Variants in TAFA1 observed in about 807,000 individuals in gnomAD.
TAFA1 encodes chemokine-like protein TAFA-1.
A neutral mutation model predicts 18.5 loss-of-function variants in TAFA1; 4 were observed. The observed-to-expected ratio is 0.22, with a 90% CI of 0.11 to 0.49. The LOEUF is 0.49. Ranked by LOEUF, TAFA1 falls within the 20% of genes least tolerant of loss-of-function variation. The probability of loss-of-function intolerance (pLI) is 0.98; values close to 1 mark genes in which losing one functional copy is unlikely to be tolerated. For synonymous variants in TAFA1, 56 were observed against 55.2 expected (o/e 1.01, Z -0.06); for missense variants, 147 against 169.0 (o/e 0.87, Z 0.72).
intron 2 of TAFA1, among the ~76,000 whole-genome samples, chr3:68,135,726 C>T (rs888669927): frequency 2.6e-5 from 4 of 152,240 alleles, no homozygotes; most frequent in African/African-American, 7.2e-5. Flanking sequence ...TTTGGCTTTC[C>T]GAATAGCAGT....
chr3:68,251,562 G>A (rs1480066786), intron 2 of TAFA1, among the ~76,000 whole-genome samples: 3 of 152,170 alleles, frequency 2.0e-5, no homozygotes, highest in Non-Finnish European at 4.4e-5. Flanking sequence ...AGAAAGTGAA[G>A]GAGAAAGAAG....
intron 2 of TAFA1, among the ~76,000 whole-genome samples, chr3:68,328,760 TAATA>T (rs2068814705): frequency 6.6e-6 from 1 of 152,042 alleles, no homozygotes; most frequent in Admixed American, 6.6e-5. Context: ...TCTTTATATA[TAATA>T]AATATGTATA....
intron 2 of TAFA1, among the ~76,000 whole-genome samples, chr3:68,054,079 A>G (rs955495881): frequency 6.6e-6 from 1 of 152,114 alleles, no homozygotes; most frequent in African/African-American, 2.4e-5. Flanking sequence ...CTTCACAGAT[A>G]TGAAGTTTTA....
At chr3:68,262,884 A>G (rs190275263) in intron 2 of TAFA1, among the ~76,000 whole-genome samples, 1 of 152,312 alleles carries the variant, frequency 6.6e-6, no homozygotes, top group African/African-American at 2.4e-5. Flanking sequence ...ATGATGTTAG[A>G]CATTAAATGT....
chr3:68,046,558 T>C (rs909103051), intron 2 of TAFA1, among the ~76,000 whole-genome samples: 2 of 152,204 alleles, frequency 1.3e-5, no homozygotes, highest in Non-Finnish European at 2.9e-5. Context: ...ATTGTCTTAT[T>C]GTTAAGATCA....
At chr3:68,157,325 G>A (rs1046760251) in intron 2 of TAFA1, among the ~76,000 whole-genome samples, 1 of 152,072 alleles carries the variant, frequency 6.6e-6, no homozygotes, top group Admixed American at 6.5e-5. Flanking sequence ...GCAGAACATT[G>A]CCAAGAGATA....
At chr3:68,172,029 G>C (rs2066060538) in intron 2 of TAFA1, among the ~76,000 whole-genome samples, 1 of 152,106 alleles carries the variant, frequency 6.6e-6, no homozygotes, top group Admixed American at 6.5e-5. Context: ...AGAGAAAGGG[G>C]AAGAAAGAAA....
intron 2 of TAFA1, among the ~76,000 whole-genome samples, chr3:68,316,926 T>C (rs1243843659): frequency 2.6e-5 from 4 of 152,220 alleles, no homozygotes; most frequent in Non-Finnish European, 5.9e-5. Context: ...AATAGCCCAA[T>C]GCCTCCATTA....
rs116660562 is a variant in TAFA1 at position 68,467,819 on chromosome 3, G to A, written c.259+50399G>A. Reference sequence around the variant, plus strand: ...TGATTTAGCAAATTCTTGCTAAAACGGGAAAATGCAGAGACAAACATGGAA... The same window carrying A: ...TGATTTAGCAAATTCTTGCTAAAACAGGAAAATGCAGAGACAAACATGGAA... On this transcript the variant is annotated intron_variant, in intron 3 of 4. Coordinates refer to ENST00000478136, the MANE Select transcript of TAFA1 (RefSeq NM_213609.4). Among the ~76,000 whole-genome samples the A allele has an allele frequency of 3.0e-3, 458 of 152,268 alleles. 3 individuals are homozygous for A. Among genetic ancestry groups the A allele is most frequent in the African/African-American group, 0.01 (434 of 41,554 alleles).
At chr3:68,357,241 TTTC>T (rs970830837) in intron 2 of TAFA1, among the ~76,000 whole-genome samples, 7 of 151,936 alleles carry the variant, frequency 4.6e-5, no homozygotes, top group Admixed American at 1.3e-4. Context: ...ACAAGAAATG[TTTC>T]TTATTTAGCA....
At chr3:68,143,053 C>T (rs2065690162) in intron 2 of TAFA1, among the ~76,000 whole-genome samples, 1 of 152,052 alleles carries the variant, frequency 6.6e-6, no homozygotes, top group African/African-American at 2.4e-5. Flanking sequence ...ATATCAAGTA[C>T]ACAAAATGGC....
At chr3:68,413,891 A>G (rs2070763707) in intron 2 of TAFA1, among the ~76,000 whole-genome samples, 1 of 152,040 alleles carries the variant, frequency 6.6e-6, no homozygotes, top group Admixed American at 6.6e-5. Flanking sequence ...TGAGCCAGAG[A>G]TCTGTTGGGA....
At chr3:68,212,071 G>A (rs967415847) in intron 2 of TAFA1, among the ~76,000 whole-genome samples, 9 of 151,986 alleles carry the variant, frequency 5.9e-5, no homozygotes, top group African/African-American at 2.2e-4. Flanking sequence ...GGTAAGTGGA[G>A]GTTACCTAGG....
chr3:68,113,907 T>TG (rs1199105930), intron 2 of TAFA1, among the ~76,000 whole-genome samples: 50 of 144,444 alleles, frequency 3.5e-4, no homozygotes, highest in African/African-American at 1.1e-3. Context: ...GTTTTTTTTT[T>TG]TTTTTTTTTT....
At chr3:68,153,075 G>A (rs889692975) in intron 2 of TAFA1, among the ~76,000 whole-genome samples, 25 of 152,108 alleles carry the variant, frequency 1.6e-4, no homozygotes, top group African/African-American at 5.3e-4. Context: ...ATCAATGAAT[G>A]TCCTTCTCAC....
intron 2 of TAFA1, among the ~76,000 whole-genome samples, chr3:68,415,875 C>T (rs1413654205): frequency 6.6e-6 from 1 of 152,142 alleles, no homozygotes; most frequent in African/African-American, 2.4e-5. Context: ...CTCTTCCCTC[C>T]TATGGAGAGA....
intron 2 of TAFA1, among the ~76,000 whole-genome samples, chr3:68,060,357 G>T (rs1325408323): frequency 1.3e-5 from 2 of 152,030 alleles, no homozygotes; most frequent in African/African-American, 4.8e-5. Context: ...TCAATTACAT[G>T]GTTTCCATGG....
rs140785123 is a variant in TAFA1 at position 68,043,725 on chromosome 3, G to A, written c.118+36981G>A. 7.7e-4 allele frequency among the ~76,000 whole-genome samples: 117 copies of A among 152,204 alleles called. 1 individual carries two copies. The East Asian group carries it at 0.02, about 26-fold the overall frequency. On this transcript the variant is annotated intron_variant, in intron 2 of 4. Coordinates refer to ENST00000478136, the MANE Select transcript of TAFA1 (RefSeq NM_213609.4). ...TCCCAGGTCATTTTACAGGCTCTTGGATGTTGCTTGCCAGAGTCAAAACCT... is the reference window on the plus strand; with the variant it reads ...TCCCAGGTCATTTTACAGGCTCTTGAATGTTGCTTGCCAGAGTCAAAACCT...
intron 2 of TAFA1, among the ~76,000 whole-genome samples, chr3:68,166,580 C>G (rs933913518): frequency 6.6e-6 from 1 of 152,100 alleles, no homozygotes; most frequent in Non-Finnish European, 1.5e-5. Context: ...ACAATTCGTA[C>G]CATAAAGGAA....
Sources: allele counts gnomAD v4.1 joint callset (sites outside exome capture counted in the v4.1 genomes callset), GRCh38; gene constraint gnomAD v4.1.1; transcripts MANE v1.5; gene names NCBI Gene and HGNC (gene_info 2026-07-23, HGNC 2026-07-21).